GPR26: variants seen among roughly 807,000 people sequenced by gnomAD.
GPR26 encodes the protein G protein-coupled receptor 26.
In GPR26, 15 loss-of-function variants were observed where a neutral mutation model predicts 23.1. The ratio of observed to expected loss-of-function variants is 0.65; its 90% CI spans 0.43 to 1.00. The LOEUF (loss-of-function observed/expected upper bound fraction) is 1.00. GPR26 is among the 50% of genes least tolerant of loss of function. GPR26 has a pLI of 0.00. For missense variants in GPR26, 359 were observed against 470.5 expected (o/e 0.76, Z 2.19); for synonymous variants, 228 against 222.1 (o/e 1.03, Z -0.24).
intron 2 of GPR26, among the ~76,000 whole-genome samples, chr10:123,686,175 G>A (rs1845428843): frequency 6.6e-6 from 1 of 152,170 alleles, no homozygotes; most frequent in Non-Finnish European, 1.5e-5. Context: ...TTTTGGGAGA[G>A]CCAAAATGCT....
At chr10:123,687,839 G>T in intron 2 of GPR26, 90 bp from the exon 3 acceptor site, 1 of 823,800 alleles carries the variant, frequency 1.2e-6, no homozygotes, top group South Asian at 1.5e-5. Context: ...CGAAACCGTG[G>T]TCTGCAGGGC....
chr10:123,672,794 T>C (rs1300932726), intron 1 of GPR26, among the ~76,000 whole-genome samples: 1 of 152,126 alleles, frequency 6.6e-6, no homozygotes, highest in East Asian at 1.9e-4. Context: ...ACTTGGATAG[T>C]CTCCTGCAAA....
chr10:123,681,864 G>A (rs918177346), intron 2 of GPR26, among the ~76,000 whole-genome samples: 8 of 152,212 alleles, frequency 5.3e-5, no homozygotes, highest in Non-Finnish European at 1.0e-4. Context: ...GGGGCTATCA[G>A]TGCATACCTT....
chr10:123,675,151 G>A (rs772656320), intron 2 of GPR26, among the ~76,000 whole-genome samples: 5 of 152,122 alleles, frequency 3.3e-5, no homozygotes, highest in Non-Finnish European at 7.4e-5. Context: ...GGGTGTGAAA[G>A]ACTCTCTCCC....
At chr10:123,676,097 C>T (rs1845307545) in intron 2 of GPR26, among the ~76,000 whole-genome samples, 1 of 141,546 alleles carries the variant, frequency 7.1e-6, no homozygotes, top group Non-Finnish European at 1.5e-5. Flanking sequence ...TTCTGCCATC[C>T]AGGAGGCTGT....
Position 123,691,247 on chromosome 10 carries a change from T to G in GPR26, c.*3087T>G, listed in dbSNP as rs1198444520. On this transcript the variant is annotated 3_prime_UTR_variant, in exon 3 of 3. Coordinates refer to ENST00000284674, the MANE Select transcript of GPR26 (RefSeq NM_153442.4). ...GGTCAGCTCGCCTCTCAAAGATGGCTCACCAATCACCTGCCTGTTTTTACT... is the reference window on the plus strand; with the variant it reads ...GGTCAGCTCGCCTCTCAAAGATGGCGCACCAATCACCTGCCTGTTTTTACT... The G allele has an allele frequency of 6.7e-6, 1 of 150,122 alleles. No homozygotes were observed. The highest frequency in any genetic ancestry group is 1.5e-5 in the Non-Finnish European group (1 of 67,334). The allele number at this position is 150,122 out of a possible 1,614,324, so 9.3% of individuals were successfully genotyped here. A position where few individuals can be genotyped will look rare whatever the true frequency, so the allele number is the denominator to read the frequency against.
chr10:123,666,394 G>T lies in GPR26; in HGVS notation c.-14G>T, dbSNP rs746486201. The T allele has an allele frequency of 9.5e-6, 13 of 1,374,192 alleles. No individual in the cohort carries two copies. The East Asian group carries it at 3.0e-4, about 32-fold the overall frequency. The allele number at this position is 1,374,192 out of a possible 1,614,324, so 85.1% of individuals were successfully genotyped here. A position where few individuals can be genotyped will look rare whatever the true frequency, so the allele number is the denominator to read the frequency against. ...CGGGTTGCGGACCCTGAGCGCCGGC[G>T]CGGGGCGCGCACCATGAACTCGTGG... On this transcript the variant is annotated 5_prime_UTR_variant, in exon 1 of 3. Coordinates refer to ENST00000284674, the MANE Select transcript of GPR26 (RefSeq NM_153442.4).
intron 1 of GPR26, among the ~76,000 whole-genome samples, chr10:123,673,686 G>T (rs1351607172): frequency 6.6e-6 from 1 of 152,110 alleles, no homozygotes; most frequent in Non-Finnish European, 1.5e-5. Flanking sequence ...ACCCCATCAT[G>T]TGGTGTCCAT....
chr10:123,669,339 C>G (rs996033900), intron 1 of GPR26, among the ~76,000 whole-genome samples: 7 of 152,204 alleles, frequency 4.6e-5, no homozygotes, highest in African/African-American at 1.7e-4. Flanking sequence ...GAGGGGATGA[C>G]CAGTCCTCAA....
chr10:123,677,815 G>A (rs1413783211), intron 2 of GPR26, among the ~76,000 whole-genome samples: 1 of 152,204 alleles, frequency 6.6e-6, no homozygotes, highest in Non-Finnish European at 1.5e-5. Flanking sequence ...GTCTAGAGCT[G>A]TGCTGTCCAG....
Position 123,687,971 on chromosome 10 carries a change from G to T in GPR26, c.825G>T (p.Trp275Cys). ...LFSTVPIGSH[W>C]GVLSKCLAYS... ...CCACGGTGCCCATCGGCTCCCACTG[G>T]GGGGTGCTGTCCAAGTGCTTGGCGT... The change falls in exon 3 of 3, where the codon TGG becomes TGT. Residue 275 changes from tryptophan to cysteine, a missense_variant. Coordinates refer to ENST00000284674, the MANE Select transcript of GPR26 (RefSeq NM_153442.4). 2 of 1,613,842 alleles carry T rather than the reference G, an allele frequency of 1.2e-6. No homozygotes were observed. The highest frequency in any genetic ancestry group is 1.7e-6 in the Non-Finnish European group (2 of 1,179,880).
chr10:123,680,782 C>T (rs1845361752), intron 2 of GPR26, among the ~76,000 whole-genome samples: 2 of 147,192 alleles, frequency 1.4e-5, no homozygotes, highest in South Asian at 4.3e-4. Flanking sequence ...CCCTCTGCAC[C>T]TAGTTAACAT....
chr10:123,683,540 G>T (rs1845400957), intron 2 of GPR26, among the ~76,000 whole-genome samples: 1 of 150,726 alleles, frequency 6.6e-6, no homozygotes, highest in African/African-American at 2.5e-5. Flanking sequence ...AGAAGGCCTT[G>T]GAGTTCTGGC....
intron 1 of GPR26, among the ~76,000 whole-genome samples, chr10:123,669,103 C>A (rs1845222193): frequency 6.6e-6 from 1 of 152,188 alleles, no homozygotes; most frequent in African/African-American, 2.4e-5. Context: ...TTTGAAGAGC[C>A]CCTGCTCCCA....
At chr10:123,675,888 A>G (rs931582272) in intron 2 of GPR26, among the ~76,000 whole-genome samples, 1 of 109,832 alleles carries the variant, frequency 9.1e-6, no homozygotes, top group African/African-American at 2.9e-5. Flanking sequence ...AAAAGAACAG[A>G]TCCCAGCTGC....
intron 1 of GPR26, among the ~76,000 whole-genome samples, chr10:123,673,004 C>T (rs758677075): frequency 6.6e-4 from 101 of 152,064 alleles, no homozygotes; most frequent in Non-Finnish European, 1.1e-3. Flanking sequence ...TTCCCCATCA[C>T]GATATCTAGC....
At position 123,667,061 on chromosome 10, in the gene GPR26, G is replaced by T; in HGVS notation, c.654G>T (p.Val218=). 1 of 1,593,298 alleles carries T rather than the reference G, an allele frequency of 6.3e-7. No homozygotes were observed. Among genetic ancestry groups the T allele is most frequent in the Non-Finnish European group, 8.5e-7 (1 of 1,170,012 alleles). Residue 218 remains valine, a synonymous_variant, in exon 1 of 3, where the codon GTG becomes GTT. Coordinates refer to ENST00000284674, the MANE Select transcript of GPR26 (RefSeq NM_153442.4). ...CCATGCAGACGCTGGTGCTGCTGGTGGACCTGCACCCCAGGTGAGCCGAGC... is the reference window on the plus strand; with the variant it reads ...CCATGCAGACGCTGGTGCTGCTGGTTGACCTGCACCCCAGGTGAGCCGAGC... ...VITMQTLVLL[V]DLHPSVRERC... is the part of the protein sequence containing the mutation.
intron 1 of GPR26, among the ~76,000 whole-genome samples, chr10:123,670,180 T>G (rs1845234188): frequency 6.6e-6 from 1 of 152,238 alleles, no homozygotes; most frequent in Non-Finnish European, 1.5e-5. Context: ...TCCCCCAGTG[T>G]GTCCTCTGTG....
intron 2 of GPR26, 108 bp from the exon 3 acceptor site, chr10:123,687,821 T>G (rs1214407989): frequency 1.5e-6 from 1 of 682,026 alleles, no homozygotes; most frequent in Admixed American, 2.2e-5. Context: ...AAATTGAGGG[T>G]TGGGCTGCGA....
Sources: gnomAD v4.1 joint callset for allele counts (sites outside exome capture counted in the v4.1 genomes callset) on GRCh38, gnomAD v4.1.1 for gene constraint, MANE v1.5 for transcripts, NCBI Gene and HGNC (gene_info 2026-07-23, HGNC 2026-07-21) for gene names.